ZNF704: variants seen among roughly 807,000 people sequenced by gnomAD.
The protein encoded by ZNF704 is zinc finger protein 704, also known as glucocorticoid induced gene 1.
A neutral mutation model predicts 44.7 loss-of-function variants in ZNF704; 10 were observed. The observed-to-expected ratio is 0.22, with a 90% CI of 0.14 to 0.38. ZNF704 has a LOEUF of 0.38. Among genes scored for constraint, ZNF704 ranks in the 10% least tolerant of loss-of-function variants. The pLI is 1.00. For synonymous variants in ZNF704, 211 were observed against 207.6 expected (o/e 1.02, Z -0.14); for missense variants, 390 against 545.5 (o/e 0.71, Z 2.84).
chr8:80,715,409 A>T (rs898887081), intron 2 of ZNF704, among the ~76,000 whole-genome samples: 1 of 152,228 alleles, frequency 6.6e-6, no homozygotes, highest in Non-Finnish European at 1.5e-5. Context: ...GTGCTTTGGG[A>T]CAATATTCCC....
At chr8:80,711,710 G>A (rs574566661) in intron 2 of ZNF704, among the ~76,000 whole-genome samples, 10 of 152,264 alleles carry the variant, frequency 6.6e-5, no homozygotes, top group African/African-American at 2.4e-4. Flanking sequence ...TTTTATGCTG[G>A]AGAAATTAAA....
chr8:80,705,373 T>TTGTG (rs112488774), intron 2 of ZNF704, among the ~76,000 whole-genome samples: 11,907 of 151,078 alleles, frequency 0.079, 1,579 homozygotes, highest in African/African-American at 0.27. Flanking sequence ...TGTCGGGGCC[T>TTGTG]TGTGTGTGTG....
intron 7 of ZNF704, among the ~76,000 whole-genome samples, chr8:80,650,716 A>G (rs555152635): frequency 6.6e-6 from 1 of 152,224 alleles, no homozygotes; most frequent in Admixed American, 6.5e-5. Context: ...TGACAGGGAG[A>G]ATGGAACCAA....
the ZNF704 span, among the ~76,000 whole-genome samples, chr8:80,884,203 T>G: frequency 4.6e-5 from 7 of 152,330 alleles, no homozygotes; most frequent in South Asian, 1.4e-3. Context: ...ATTGTAGATA[T>G]AAAGACTGTC....
chr8:80,690,751 G>A lies in ZNF704; in HGVS notation c.325+2253C>T, dbSNP rs188105062. ...CGGCTAGGTATGGTGGCTCCCACCT[G>A]TAATCCCAACACTTTGGGAGGCCAA... On this transcript the variant is annotated intron_variant, in intron 3 of 8. Coordinates refer to ENST00000327835, the MANE Select transcript of ZNF704 (RefSeq NM_001033723.3). 2.5e-3 allele frequency among the ~76,000 whole-genome samples: 376 copies of A among 152,342 alleles called. 2 individuals are homozygous for A. Among genetic ancestry groups the A allele is most frequent in the African/African-American group, 8.4e-3 (350 of 41,578 alleles).
rs140543055 is a variant in ZNF704 at position 80,677,121 on chromosome 8, T to A, written c.559-6518A>T. On this transcript the variant is annotated intron_variant, in intron 4 of 8. Coordinates refer to ENST00000327835, the MANE Select transcript of ZNF704 (RefSeq NM_001033723.3). ...TCATCTGATGGCTCTTACCAATGAG[T>A]CAGTCAGATGTAGGCTTTCATACTG... Among the ~76,000 whole-genome samples, 6 of 152,326 alleles carry A rather than the reference T, an allele frequency of 3.9e-5. No homozygotes were observed. The East Asian group carries it at 1.2e-3, about 29-fold the overall frequency.
At chr8:80,726,263 CA>C (rs1287977073) in intron 2 of ZNF704, among the ~76,000 whole-genome samples, 1 of 152,008 alleles carries the variant, frequency 6.6e-6, no homozygotes, top group Non-Finnish European at 1.5e-5. Flanking sequence ...AATATCAACA[CA>C]TGTGTTTTTT....
At chr8:80,765,202 C>A (rs1424509766) in intron 2 of ZNF704, among the ~76,000 whole-genome samples, 1 of 152,158 alleles carries the variant, frequency 6.6e-6, no homozygotes, top group Non-Finnish European at 1.5e-5. Flanking sequence ...GCCATGACAA[C>A]AGGAGAAAAG....
At chr8:80,782,256 G>C (rs1369776805) in intron 2 of ZNF704, among the ~76,000 whole-genome samples, 3 of 152,178 alleles carry the variant, frequency 2.0e-5, no homozygotes, top group Non-Finnish European at 4.4e-5. Context: ...CAACAAGCTG[G>C]AGCTCTGGGC....
chr8:80,671,160 C>T (rs1483869474), intron 4 of ZNF704, among the ~76,000 whole-genome samples: 2 of 152,132 alleles, frequency 1.3e-5, no homozygotes, highest in African/African-American at 4.8e-5. Flanking sequence ...ATGGGTCCCA[C>T]TCTGTCACCC....
In ZNF704 at chr8:80,635,366, T is replaced by A. The variant is rs1042087751; in HGVS notation, c.*6000A>T. 2 of 152,230 alleles carry A rather than the reference T, an allele frequency of 1.3e-5. No homozygotes were observed. Among genetic ancestry groups the A allele is most frequent in the African/African-American group, 4.8e-5 (2 of 41,474 alleles). 9.4% of individuals were successfully genotyped at this position (152,230 alleles called of 1,614,324 possible). On this transcript the variant is annotated 3_prime_UTR_variant, in exon 9 of 9. Transcript: ENST00000327835. ...CCTGCTAGTTCTTCACAGTGAAAAA[T>A]CAAGCACTTGTTCTTTTTGTTTTGT...
chr8:80,750,764 C>T (rs745345056), intron 2 of ZNF704, among the ~76,000 whole-genome samples: 4 of 152,192 alleles, frequency 2.6e-5, no homozygotes, highest in Non-Finnish European at 4.4e-5. Context: ...ATCCACCCAC[C>T]TCAGCCTCCC....
At chr8:80,791,163 A>C (rs1457399104) in intron 2 of ZNF704, among the ~76,000 whole-genome samples, 8 of 152,120 alleles carry the variant, frequency 5.3e-5, no homozygotes, top group African/African-American at 1.7e-4. Flanking sequence ...GGTAAAATGG[A>C]ATTAGGATGA....
At chr8:80,666,424 T>C (rs929133364) in intron 5 of ZNF704, among the ~76,000 whole-genome samples, 1 of 151,572 alleles carries the variant, frequency 6.6e-6, no homozygotes, top group Non-Finnish European at 1.5e-5. Flanking sequence ...GCAATAAACA[T>C]ACGTGTGCAT....
chr8:80,770,978 C>T (rs1227846405), intron 2 of ZNF704, among the ~76,000 whole-genome samples: 1 of 152,110 alleles, frequency 6.6e-6, no homozygotes, highest in Non-Finnish European at 1.5e-5. Context: ...TGAAAGATAA[C>T]CTTTCTTGCA....
chr8:80,632,001 CT>C lies in ZNF704; in HGVS notation c.*9364del, dbSNP rs1817594811. The C allele has an allele frequency of 6.6e-6, 1 of 152,216 alleles. No individual in the cohort carries two copies. The highest frequency in any genetic ancestry group is 6.5e-5 in the Admixed American group (1 of 15,282). The allele number at this position is 152,216 out of a possible 1,614,324, so 9.4% of individuals were successfully genotyped here. ...AGATGAGGGCAAAGGGGAGGGTAATCTTTCAATGGCAAATTCACTGGGGCTT... is the reference window on the plus strand; with the variant it reads ...AGATGAGGGCAAAGGGGAGGGTAATCTTCAATGGCAAATTCACTGGGGCTT... On this transcript the variant is annotated 3_prime_UTR_variant, in exon 9 of 9. Coordinates refer to ENST00000327835, the MANE Select transcript of ZNF704 (RefSeq NM_001033723.3).
intron 2 of ZNF704, among the ~76,000 whole-genome samples, chr8:80,788,268 T>C (rs984212598): frequency 4.6e-5 from 7 of 152,190 alleles, no homozygotes; most frequent in African/African-American, 1.7e-4. Flanking sequence ...CTTGAGTTAA[T>C]CAATCTTTTA....
At chr8:80,730,720 C>A (rs1257218253) in intron 2 of ZNF704, among the ~76,000 whole-genome samples, 1 of 151,926 alleles carries the variant, frequency 6.6e-6, no homozygotes, top group Non-Finnish European at 1.5e-5. Flanking sequence ...ACTTTGCAAA[C>A]AACATTACTT....
chr8:80,797,030 G>A (rs974104284), intron 2 of ZNF704, among the ~76,000 whole-genome samples: 1 of 141,200 alleles, frequency 7.1e-6, no homozygotes, highest in Admixed American at 7.0e-5. Flanking sequence ...GGAGGGAATA[G>A]CCCAAAAGAT....
Sources: gnomAD v4.1 joint callset for allele counts (sites outside exome capture counted in the v4.1 genomes callset) on GRCh38, gnomAD v4.1.1 for gene constraint, MANE v1.5 for transcripts, NCBI Gene and HGNC (gene_info 2026-07-23, HGNC 2026-07-21) for gene names.